Variants in SORCS1 observed in about 807,000 individuals in gnomAD.
The protein encoded by SORCS1 is sortilin related VPS10 domain containing receptor 1.
SORCS1 carries 60 observed loss-of-function variants against 146.1 expected under a neutral mutation model. The ratio of observed to expected loss-of-function variants is 0.41; its 90% CI spans 0.33 to 0.51. SORCS1 has a LOEUF of 0.51. Among genes scored for constraint, SORCS1 ranks in the 20% least tolerant of loss-of-function variants. The pLI is 0.21. For synonymous variants in SORCS1, 637 were observed against 584.0 expected (o/e 1.09, Z -1.31); for missense variants, 1,352 against 1,487.6 (o/e 0.91, Z 1.50).
At chr10:106,877,076 T>C (rs1425024246) in intron 2 of SORCS1, among the ~76,000 whole-genome samples, 1 of 152,244 alleles carries the variant, frequency 6.6e-6, no homozygotes, top group Non-Finnish European at 1.5e-5. Flanking sequence ...CTGGTTATTT[T>C]TATACCTCTG....
chr10:106,779,734 T>C (rs755825272), intron 3 of SORCS1, among the ~76,000 whole-genome samples: 16 of 152,022 alleles, frequency 1.1e-4, no homozygotes, highest in Non-Finnish European at 2.2e-4. Flanking sequence ...GTGATCTGCC[T>C]GCCTCAGCCT....
chr10:106,999,338 T>C (rs1957122570), intron 1 of SORCS1, among the ~76,000 whole-genome samples: 1 of 152,236 alleles, frequency 6.6e-6, no homozygotes, highest in Admixed American at 6.5e-5. Flanking sequence ...CACTGAAGTC[T>C]GTATTTCACA....
intron 2 of SORCS1, among the ~76,000 whole-genome samples, chr10:106,909,310 T>C (rs2138204490): frequency 6.6e-6 from 1 of 152,346 alleles, no homozygotes; most frequent in African/African-American, 2.4e-5. Context: ...AGAATGCATT[T>C]CCTTTTGTCA....
chr10:106,922,265 T>C (rs192543773), intron 2 of SORCS1, among the ~76,000 whole-genome samples: 12 of 152,224 alleles, frequency 7.9e-5, no homozygotes, highest in East Asian at 1.9e-4. Flanking sequence ...AGCACTAACA[T>C]AGAACCTCAA....
chr10:106,851,901 C>G (rs1949590498), intron 2 of SORCS1, among the ~76,000 whole-genome samples: 1 of 152,280 alleles, frequency 6.6e-6, no homozygotes, highest in East Asian at 1.9e-4. Flanking sequence ...TCTCCTCATA[C>G]AGATCTTGTG....
At chr10:106,998,826 GC>G (rs1334783069) in intron 1 of SORCS1, among the ~76,000 whole-genome samples, 1 of 152,200 alleles carries the variant, frequency 6.6e-6, no homozygotes, top group Non-Finnish European at 1.5e-5. Flanking sequence ...TTAGGACTTT[GC>G]AAAGATTAAT....
chr10:106,678,888 T>C (rs1444657208), intron 12 of SORCS1, among the ~76,000 whole-genome samples: 1 of 152,144 alleles, frequency 6.6e-6, no homozygotes, highest in Non-Finnish European at 1.5e-5. Flanking sequence ...TGGAGCCAAC[T>C]CAGCATTAGA....
intron 25 of SORCS1, chr10:106,578,554 A>G (rs1006080335): frequency 1.8e-6 from 1 of 571,048 alleles, no homozygotes; most frequent in Admixed American, 6.2e-5. Context: ...AAGTTCCTAG[A>G]CTACCAATAG....
chr10:107,044,656 T>C (rs547694811), intron 1 of SORCS1, among the ~76,000 whole-genome samples: 129 of 151,300 alleles, frequency 8.5e-4, no homozygotes, highest in Non-Finnish European at 1.5e-3. Flanking sequence ...ACCCTGTCTC[T>C]ACTGAAAATA....
intron 1 of SORCS1, among the ~76,000 whole-genome samples, chr10:106,989,538 A>T (rs79491397): frequency 0.22 from 33,572 of 151,440 alleles, 4,468 homozygotes; most frequent in Middle Eastern, 0.33. Flanking sequence ...TCTACTTTCT[A>T]ATCCTCATCC....
Position 106,940,026 on chromosome 10 carries a change from G to T in SORCS1, c.626+16487C>A, listed in dbSNP as rs532075289. 8.8e-4 allele frequency among the ~76,000 whole-genome samples: 134 copies of T among 152,230 alleles called. 1 individual carries two copies. Among genetic ancestry groups the T allele is most frequent in the African/African-American group, 3.2e-3 (132 of 41,542 alleles). The stretch of plus-strand genomic sequence containing the variant: ...GCCCTTGGGACTGGGAATTCAATGC[G>T]CCAGACATTACATTTGTATTTGAAC... On this transcript the variant is annotated intron_variant, in intron 2 of 25. Coordinates refer to ENST00000263054, the MANE Select transcript of SORCS1 (RefSeq NM_052918.5).
intron 1 of SORCS1, among the ~76,000 whole-genome samples, chr10:107,068,589 G>C (rs147348114): frequency 3.3e-5 from 5 of 152,016 alleles, no homozygotes. Flanking sequence ...ATGAACTGCC[G>C]AGCATGGTGG....
chr10:107,000,051 C>G (rs1010619899), intron 1 of SORCS1, among the ~76,000 whole-genome samples: 2 of 152,138 alleles, frequency 1.3e-5, no homozygotes, highest in African/African-American at 2.4e-5. Flanking sequence ...AAGGGGAGAA[C>G]TCACCTATGA....
At chr10:106,883,627 A>G (rs2137761532) in intron 2 of SORCS1, among the ~76,000 whole-genome samples, 1 of 152,158 alleles carries the variant, frequency 6.6e-6, no homozygotes, top group South Asian at 2.1e-4. Context: ...GTTAGCCAGG[A>G]TGGTCTCGAT....
At chr10:106,597,282 G>A (rs1016490665) in intron 24 of SORCS1, 69 bp downstream of exon 24, 13 of 1,268,210 alleles carry the variant, frequency 1.0e-5, no homozygotes, top group Admixed American at 1.8e-5. Flanking sequence ...TTTTTATGAG[G>A]AAGGAAGCAC....
intron 1 of SORCS1, among the ~76,000 whole-genome samples, chr10:106,959,668 C>T (rs1451921892): frequency 6.6e-6 from 1 of 152,112 alleles, no homozygotes; most frequent in African/African-American, 2.4e-5. Flanking sequence ...CAAAATGAAG[C>T]TGTTTTGTTT....
intron 2 of SORCS1, among the ~76,000 whole-genome samples, chr10:106,866,734 T>G (rs1173820894): frequency 6.6e-6 from 1 of 152,170 alleles, no homozygotes; most frequent in Non-Finnish European, 1.5e-5. Flanking sequence ...CCTCAAAGCC[T>G]CAGCACCAAA....
At chr10:106,746,738 T>G (rs570542194) in intron 5 of SORCS1, among the ~76,000 whole-genome samples, 1 of 152,366 alleles carries the variant, frequency 6.6e-6, no homozygotes, top group South Asian at 2.1e-4. Context: ...CAGAACCTGA[T>G]AGCAGATGAC....
intron 9 of SORCS1, among the ~76,000 whole-genome samples, chr10:106,694,233 G>C (rs1377751024): frequency 6.6e-6 from 1 of 152,088 alleles, no homozygotes; most frequent in Non-Finnish European, 1.5e-5. Context: ...CTCCTCTAGA[G>C]ACAGTAGCCT....
Sources: gnomAD v4.1 joint callset for allele counts (sites outside exome capture counted in the v4.1 genomes callset) on GRCh38, gnomAD v4.1.1 for gene constraint, MANE v1.5 for transcripts, NCBI Gene and HGNC (gene_info 2026-07-23, HGNC 2026-07-21) for gene names.